IKBKB: variants seen among roughly 807,000 people sequenced by gnomAD.
The protein encoded by IKBKB is inhibitor of nuclear factor kappa B kinase subunit beta, also known as inhibitor of nuclear factor kappa-B kinase subunit beta.
Under a neutral mutation model 113.6 loss-of-function variants are expected in IKBKB, and 42 were observed. The ratio of observed to expected loss-of-function variants is 0.37; its 90% CI spans 0.29 to 0.48. The LOEUF is 0.48. Ranked by LOEUF, IKBKB falls within the 20% of genes least tolerant of loss-of-function variation. The probability of loss-of-function intolerance (pLI) is 0.99; values close to 1 mark genes in which losing one functional copy is unlikely to be tolerated. For missense variants in IKBKB, 673 were observed against 939.7 expected (o/e 0.72, Z 3.71); for synonymous variants, 296 against 361.3 (o/e 0.82, Z 2.05).
intron 2 of IKBKB, among the ~76,000 whole-genome samples, chr8:42,281,199 G>T (rs1272393668): frequency 6.6e-6 from 1 of 152,126 alleles, no homozygotes; most frequent in African/African-American, 2.4e-5. Context: ...GCTTTAGCAG[G>T]ATCTGGAAAG....
intron 2 of IKBKB, among the ~76,000 whole-genome samples, chr8:42,274,614 C>T (rs887464184): frequency 6.6e-6 from 1 of 151,754 alleles, no homozygotes; most frequent in African/African-American, 2.4e-5. Flanking sequence ...CTCACTGCAA[C>T]CTCTGCCTCC....
At chr8:42,317,091 C>T (rs1818832635) in intron 11 of IKBKB, 187 bp downstream of exon 11, 1 of 668,540 alleles carries the variant, frequency 1.5e-6, no homozygotes, top group Non-Finnish European at 2.7e-6. Context: ...CACAAATCTC[C>T]TTGCTGGACT....
At chr8:42,294,292 C>A (rs1037507444) in intron 5 of IKBKB, among the ~76,000 whole-genome samples, 1 of 152,254 alleles carries the variant, frequency 6.6e-6, no homozygotes, top group African/African-American at 2.4e-5. Flanking sequence ...CCTCCACTAC[C>A]TCAACCTTTC....
Position 42,310,798 on chromosome 8 carries a change from G to A in IKBKB, c.692+1773G>A, listed in dbSNP as rs1473618896. 2.0e-5 allele frequency among the ~76,000 whole-genome samples: 3 copies of A among 152,132 alleles called. No homozygotes were observed. In the East Asian group the frequency reaches 5.8e-4, roughly 29 times the overall value. On this transcript the variant is annotated intron_variant, in intron 8 of 21. Transcript: ENST00000520810. Reference sequence around the variant, plus strand: ...TTTTGTACTTTTTAAACAAAAATAGGTTACTATAATCTTCATACAACGTGC... The same window carrying A: ...TTTTGTACTTTTTAAACAAAAATAGATTACTATAATCTTCATACAACGTGC...
chr8:42,280,509 A>G (rs1008304274), intron 2 of IKBKB, among the ~76,000 whole-genome samples: 17 of 152,320 alleles, frequency 1.1e-4, no homozygotes, highest in Middle Eastern at 3.4e-3. Flanking sequence ...TCAGTCACAC[A>G]GACCTGGGTT....
chr8:42,274,634 G>A (rs759525656), intron 2 of IKBKB, among the ~76,000 whole-genome samples: 9 of 151,924 alleles, frequency 5.9e-5, no homozygotes, highest in Non-Finnish European at 8.8e-5. Flanking sequence ...CCAGGTTCAA[G>A]TGATTCTCCT....
chr8:42,284,318 C>T (rs1219304530), intron 2 of IKBKB, among the ~76,000 whole-genome samples: 2 of 152,184 alleles, frequency 1.3e-5, no homozygotes, highest in Non-Finnish European at 2.9e-5. Context: ...CGCAGTGGCT[C>T]ACACCTGTAA....
chr8:42,271,423 T>G lies in IKBKB; in HGVS notation c.-65T>G. 6.7e-7 allele frequency: 1 copy of G among 1,488,648 alleles called. No homozygotes were observed. Among genetic ancestry groups the G allele is most frequent in the Non-Finnish European group, 9.0e-7 (1 of 1,111,950 alleles). The allele number at this position is 1,488,648 out of a possible 1,614,324, so 92.2% of individuals were successfully genotyped here. On this transcript the variant is annotated 5_prime_UTR_variant, in exon 1 of 22. Coordinates refer to ENST00000520810, the MANE Select transcript of IKBKB (RefSeq NM_001556.3). ...GGGTTTGGCCGCCCCAGCCCCGCCT[T>G]CCCCGCCCCGGGGAGCCCGCCCCCT...
intron 5 of IKBKB, chr8:42,297,934 C>T (rs1460729892): frequency 5.3e-6 from 1 of 189,976 alleles, no homozygotes; most frequent in Non-Finnish European, 9.7e-6. Flanking sequence ...GCCTGGCGGG[C>T]ACAGAGGTGA....
chr8:42,288,764 T>C, intron 3 of IKBKB, 36 bp downstream of exon 3: 1 of 1,516,866 alleles, frequency 6.6e-7, no homozygotes, highest in Non-Finnish European at 9.0e-7. Flanking sequence ...AAGGGAAAGC[T>C]GGAGCAGCAG....
rs1190950389 is a variant in IKBKB, at chr8:42,288,691, C to A, written c.163C>A (p.Arg55=). 6.2e-7 allele frequency: 1 copy of A among 1,611,314 alleles called. No individual in the cohort carries two copies. The highest frequency in any genetic ancestry group is 8.5e-7 in the Non-Finnish European group (1 of 1,178,714). The stretch of plus-strand genomic sequence containing the variant: ...CCGGCAGGAGCTCAGCCCCCGGAAC[C>A]GAGAGCGGTGGTGCCTGGAGATCCA... ...QCRQELSPRN[R]ERWCLEIQIM... The change falls in exon 3 of 22, where the codon CGA becomes AGA. Residue 55 remains arginine (R), a synonymous_variant. Coordinates refer to ENST00000520810, the MANE Select transcript of IKBKB (RefSeq NM_001556.3).
rs1180775845 is a variant in IKBKB, at chr8:42,327,814, TTTTTTTTG to T, written c.2115-1309_2115-1302del. On this transcript the variant is annotated intron_variant, in intron 20 of 21. Coordinates refer to ENST00000520810, the MANE Select transcript of IKBKB (RefSeq NM_001556.3). ...GGCCTGGCTAATTTTGTATTTTTTT[TTTTTTTTG>T]AGACGGAGTCTCGCTCTGTTGCCCA... Among the ~76,000 whole-genome samples, 12 of 17,378 alleles carry T rather than the reference TTTTTTTTG, an allele frequency of 6.9e-4. 2 individuals carry two copies. Among genetic ancestry groups the T allele is most frequent in the Non-Finnish European group, 1.3e-3 (6 of 4,688 alleles). The allele number at this position is 17,378 out of a possible 152,430, so 11.4% of individuals were successfully genotyped here.
chr8:42,297,126 G>A (rs568698385), intron 5 of IKBKB, among the ~76,000 whole-genome samples: 13 of 152,258 alleles, frequency 8.5e-5, no homozygotes, highest in African/African-American at 2.6e-4. Flanking sequence ...TCACATCTCC[G>A]CCACCTTTTG....
intron 19 of IKBKB, 138 bp downstream of exon 19, chr8:42,322,632 G>A (rs1037098116): frequency 3.0e-5 from 25 of 838,158 alleles, no homozygotes; most frequent in African/African-American, 2.2e-4. Context: ...GCTTCACGTC[G>A]CTGTTCTTTG....
chr8:42,323,317 G>A (rs965546195), intron 19 of IKBKB, among the ~76,000 whole-genome samples: 3 of 152,224 alleles, frequency 2.0e-5, no homozygotes, highest in Admixed American at 6.5e-5. Flanking sequence ...GTTGACCATC[G>A]TCTGCGTCTG....
intron 2 of IKBKB, among the ~76,000 whole-genome samples, chr8:42,278,376 C>T (rs1282262624): frequency 6.6e-6 from 1 of 152,052 alleles, no homozygotes; most frequent in Non-Finnish European, 1.5e-5. Context: ...AGCAGTGGAA[C>T]GATGTTAGAG....
chr8:42,329,821 C>T (rs892080931), intron 21 of IKBKB: 2 of 985,248 alleles, frequency 2.0e-6, no homozygotes, highest in African/African-American at 3.5e-5. Flanking sequence ...TACATTAAGA[C>T]AAAGCTTCCA....
chr8:42,312,211 T>C (rs1484555581), intron 8 of IKBKB, among the ~76,000 whole-genome samples: 4 of 152,246 alleles, frequency 2.6e-5, no homozygotes, highest in African/African-American at 4.8e-5. Flanking sequence ...AAAGGAATTA[T>C]TGCATTTCTT....
intron 20 of IKBKB, among the ~76,000 whole-genome samples, chr8:42,328,374 G>A (rs1043822382): frequency 2.6e-5 from 4 of 151,810 alleles, no homozygotes; most frequent in Non-Finnish European, 5.9e-5. Flanking sequence ...CTTTAGGCTA[G>A]CTAGAGGCCC....
Sources: gnomAD v4.1 joint callset for allele counts (sites outside exome capture counted in the v4.1 genomes callset) on GRCh38, gnomAD v4.1.1 for gene constraint, MANE v1.5 for transcripts, NCBI Gene and HGNC (gene_info 2026-07-23, HGNC 2026-07-21) for gene names.